Variants in TRIM42 observed in about 807,000 individuals in gnomAD.
TRIM42 encodes tripartite motif containing 42.
A neutral mutation model predicts 64.9 loss-of-function variants in TRIM42; 59 were observed. That is an observed-to-expected ratio of 0.91 (90% CI 0.74 to 1.13). The LOEUF (loss-of-function observed/expected upper bound fraction) is 1.13, where lower values mean the gene tolerates loss of function less well. Among genes scored for constraint, TRIM42 ranks in the 50% most tolerant of loss-of-function variants. The pLI is 0.00. For synonymous variants in TRIM42, 354 were observed against 346.3 expected (o/e 1.02, Z -0.25); for missense variants, 878 against 929.5 (o/e 0.94, Z 0.72).
intron 4 of TRIM42, among the ~76,000 whole-genome samples, chr3:140,700,058 T>C (rs1305120709): frequency 6.6e-6 from 1 of 152,180 alleles, no homozygotes; most frequent in Admixed American, 6.5e-5. Flanking sequence ...ATTGATCCAG[T>C]GGACTGTCTT....
chr3:140,682,692 G>A lies in TRIM42; in HGVS notation c.572G>A (p.Cys191Tyr). ...ENFFILICPV[C>Y]DRSHCMPYSN... ...TTCTTCATCCTCATCTGCCCAGTGT[G>A]CGACCGCTCGCACTGCATGCCCTAC... Residue 191 changes from cysteine to tyrosine, a missense_variant, in exon 2 of 5, where the codon TGC becomes TAC. Physicochemically the swap from Cys to Tyr is radical, Grantham distance 194. Transcript: ENST00000286349. 1 of 1,612,800 alleles carries A rather than the reference G, an allele frequency of 6.2e-7. No individual in the cohort carries two copies. Among genetic ancestry groups the A allele is most frequent in the South Asian group, 1.1e-5 (1 of 91,070 alleles).
intron 2 of TRIM42, among the ~76,000 whole-genome samples, chr3:140,686,682 G>A (rs1367628473): frequency 6.6e-6 from 1 of 152,166 alleles, no homozygotes; most frequent in African/African-American, 2.4e-5. Flanking sequence ...CCCCACTCCT[G>A]AGTAAAATTT....
chr3:140,699,287 T>A (rs1988932926), intron 4 of TRIM42, among the ~76,000 whole-genome samples: 1 of 152,196 alleles, frequency 6.6e-6, no homozygotes, highest in African/African-American at 2.4e-5. Context: ...TGGGCTCAAT[T>A]TTTTGCTTAT....
At chr3:140,688,618 T>G in intron 3 of TRIM42, 76 bp downstream of exon 3, 1 of 1,216,674 alleles carries the variant, frequency 8.2e-7, no homozygotes, top group Non-Finnish European at 1.2e-6. Context: ...TCAGGAAAGG[T>G]TGCACTTACC....
intron 4 of TRIM42, 47 bp from the exon 5 acceptor site, chr3:140,700,841 G>A: frequency 1.3e-6 from 2 of 1,567,764 alleles, no homozygotes; most frequent in South Asian, 1.1e-5. Flanking sequence ...CAGGCTACTG[G>A]GAGCTGTTGT....
intron 3 of TRIM42, among the ~76,000 whole-genome samples, chr3:140,688,788 G>A (rs2107762008): frequency 6.6e-6 from 1 of 152,336 alleles, no homozygotes. Context: ...ATATCTGAAA[G>A]CCCTACCTCC....
At chr3:140,699,288 T>A (rs1988932987) in intron 4 of TRIM42, among the ~76,000 whole-genome samples, 1 of 152,194 alleles carries the variant, frequency 6.6e-6, no homozygotes, top group East Asian at 1.9e-4. Context: ...GGGCTCAATT[T>A]TTTGCTTATA....
intron 4 of TRIM42, among the ~76,000 whole-genome samples, chr3:140,695,081 C>A (rs559436463): frequency 6.6e-6 from 1 of 152,066 alleles, no homozygotes; most frequent in South Asian, 2.1e-4. Flanking sequence ...CCTGTCTCTA[C>A]TAAAAATTAA....
At chr3:140,697,655 C>T (rs114029064) in intron 4 of TRIM42, among the ~76,000 whole-genome samples, 2,193 of 152,228 alleles carry the variant, frequency 0.014, 18 homozygotes, top group Non-Finnish European at 0.024. Context: ...GGAAATGCCA[C>T]TTTTGGTTTT....
At chr3:140,679,282 T>C (rs1696219) in intron 1 of TRIM42, among the ~76,000 whole-genome samples, 46,174 of 152,036 alleles carry the variant, frequency 0.3, 7,318 homozygotes, top group East Asian at 0.47. Flanking sequence ...GAAGTCATAG[T>C]ACTTAGGGTC....
At chr3:140,682,315 A>G (rs1988419263) in intron 1 of TRIM42, 147 bp from the exon 2 acceptor site, 3 of 714,182 alleles carry the variant, frequency 4.2e-6, no homozygotes, top group East Asian at 5.4e-5. Context: ...AGACAGATTG[A>G]GAACGCAGGC....
intron 3 of TRIM42, among the ~76,000 whole-genome samples, chr3:140,690,272 TCA>T (rs1330933427): frequency 6.6e-6 from 1 of 151,964 alleles, no homozygotes; most frequent in Non-Finnish European, 1.5e-5. Flanking sequence ...TTTTTTAAAC[TCA>T]GTTTTAGTTC....
chr3:140,689,600 C>T (rs1559938176), intron 3 of TRIM42, among the ~76,000 whole-genome samples: 1 of 152,066 alleles, frequency 6.6e-6, no homozygotes, highest in Non-Finnish European at 1.5e-5. Context: ...AGGCCAGATA[C>T]AGACCAAGAT....
In TRIM42 at chr3:140,678,534, C is replaced by G. The variant is rs747207826; in HGVS notation, c.305C>G (p.Thr102Ser). ...CGCTGCTGCCGCAATACCATCATCA[C>G]TTTCCACAAGGGCCGCCTCAGGAGC... The part of the protein sequence containing the change: ...ESRCCRNTII[T>S]FHKGRLRSIH... The change falls in exon 1 of 5, where the codon ACT becomes AGT. Residue 102 changes from threonine (T) to serine (S), a missense_variant. Transcript: ENST00000286349. The G allele has an allele frequency of 6.2e-7, 1 of 1,613,954 alleles. No homozygotes were observed. The highest frequency in any genetic ancestry group is 8.5e-7 in the Non-Finnish European group (1 of 1,179,962).
intron 1 of TRIM42, among the ~76,000 whole-genome samples, chr3:140,679,070 T>C (rs778954439): frequency 3.3e-5 from 5 of 150,776 alleles, no homozygotes; most frequent in Admixed American, 1.3e-4. Context: ...CCCATGATAT[T>C]GTAGATATAA....
At chr3:140,689,753 C>T (rs1271115161) in intron 3 of TRIM42, among the ~76,000 whole-genome samples, 1 of 151,182 alleles carries the variant, frequency 6.6e-6, no homozygotes, top group Non-Finnish European at 1.5e-5. Context: ...ATAAGCAATG[C>T]CCATAACTGA....
chr3:140,683,223 T>TG (rs370614479), intron 2 of TRIM42, 64 bp downstream of exon 2: 11 of 1,539,664 alleles, frequency 7.1e-6, no homozygotes, highest in African/African-American at 1.4e-5. Flanking sequence ...GAAGATGGCG[T>TG]GGGGTAATCT....
At chr3:140,681,219 A>G (rs1197636416) in intron 1 of TRIM42, among the ~76,000 whole-genome samples, 3 of 152,218 alleles carry the variant, frequency 2.0e-5, no homozygotes, top group African/African-American at 7.2e-5. Context: ...GGAAGCACAT[A>G]CTTTTCACAG....
At chr3:140,696,750 C>G (rs188639957) in intron 4 of TRIM42, among the ~76,000 whole-genome samples, 1 of 152,308 alleles carries the variant, frequency 6.6e-6, no homozygotes, top group Non-Finnish European at 1.5e-5. Context: ...TGATACCTCT[C>G]TGTGTTTAAA....
Sources: allele counts gnomAD v4.1 joint callset (sites outside exome capture counted in the v4.1 genomes callset), GRCh38; gene constraint gnomAD v4.1.1; transcripts MANE v1.5; gene names NCBI Gene and HGNC (gene_info 2026-07-23, HGNC 2026-07-21).